The following GALNT12 variants were observed in gnomAD, a reference collection of about 807,000 sequenced individuals.
GALNT12 encodes the protein polypeptide N-acetylgalactosaminyltransferase 12.
A neutral mutation model predicts 55.5 loss-of-function variants in GALNT12; 45 were observed. The observed-to-expected ratio is 0.81, with a 90% CI of 0.64 to 1.04. GALNT12 has a LOEUF of 1.04. Ranked by LOEUF, GALNT12 falls within the 50% of genes least tolerant of loss-of-function variation. GALNT12 has a pLI of 0.00. For missense variants in GALNT12, 709 were observed against 754.8 expected (o/e 0.94, Z 0.71); for synonymous variants, 304 against 312.2 (o/e 0.97, Z 0.28).
At chr9:98,844,858 T>G (rs948838955) in intron 8 of GALNT12, among the ~76,000 whole-genome samples, 3 of 151,998 alleles carry the variant, frequency 2.0e-5, no homozygotes, top group Non-Finnish European at 2.9e-5. Flanking sequence ...CCCCCAGCCC[T>G]GGAAAGCAGT....
chr9:98,837,112 A>G lies in GALNT12; in HGVS notation c.1176A>G (p.Lys392=). The G allele has an allele frequency of 6.2e-7, 1 of 1,614,178 alleles. No homozygotes were observed. The highest frequency in any genetic ancestry group is 8.5e-7 in the Non-Finnish European group (1 of 1,180,022). Residue 392 remains lysine (K), a synonymous_variant, in exon 6 of 10, where the codon AAA becomes AAG. Coordinates refer to ENST00000375011, the MANE Select transcript of GALNT12 (RefSeq NM_024642.5). Reference sequence around the variant, plus strand: ...CTGAAGTATGGATGGATGAATTTAAAGAGCTCTACTACCATCGCAACCCCC... The same window carrying G: ...CTGAAGTATGGATGGATGAATTTAAGGAGCTCTACTACCATCGCAACCCCC... ...RAAEVWMDEF[K]ELYYHRNPRA...
rs187947527 is a variant in GALNT12 at position 98,821,171 on chromosome 9, G to A, written c.372-2085G>A. Among the ~76,000 whole-genome samples the A allele has an allele frequency of 2.9e-4, 44 of 152,176 alleles. 1 individual carries two copies. In the East Asian group the frequency reaches 5.3e-3, roughly 18 times the overall value. On this transcript the variant is annotated intron_variant, in intron 1 of 9. Coordinates refer to ENST00000375011, the MANE Select transcript of GALNT12 (RefSeq NM_024642.5). ...GTTATAGGCGTGTGCCATCATGCCCGGCTAATTTTTGTATTTTTAGTAGAG... is the reference window on the plus strand; with the variant it reads ...GTTATAGGCGTGTGCCATCATGCCCAGCTAATTTTTGTATTTTTAGTAGAG...
At chr9:98,838,366 C>G (rs1836206560) in intron 6 of GALNT12, among the ~76,000 whole-genome samples, 1 of 152,198 alleles carries the variant, frequency 6.6e-6, no homozygotes. Flanking sequence ...ATCTCTCTGA[C>G]CAATGGTGAA....
At chr9:98,835,775 G>A (rs1836127277) in intron 5 of GALNT12, among the ~76,000 whole-genome samples, 2 of 150,892 alleles carry the variant, frequency 1.3e-5, no homozygotes, top group African/African-American at 4.9e-5. Context: ...TCGCTCTGTC[G>A]CCCAGGCTGG....
chr9:98,834,368 G>A (rs1208033591), intron 4 of GALNT12, among the ~76,000 whole-genome samples: 5 of 152,144 alleles, frequency 3.3e-5, no homozygotes, highest in African/African-American at 1.2e-4. Context: ...AGATCTGCCC[G>A]CCTCAGCCTC....
At position 98,850,077 on chromosome 9, in the gene GALNT12, A is replaced by G. The variant is rs1836515471; in HGVS notation, c.*985A>G. On this transcript the variant is annotated 3_prime_UTR_variant, in exon 10 of 10. Coordinates refer to ENST00000375011, the MANE Select transcript of GALNT12 (RefSeq NM_024642.5). ...TGAATGATTAAAAAGATGTGAGAAC[A>G]CTGACTGCAGATCTTTTTGTACTGT... The G allele has an allele frequency of 5.5e-6, 1 of 183,406 alleles. No homozygotes were observed. The highest frequency in any genetic ancestry group is 8.9e-5 in the East Asian group (1 of 11,216). 11.4% of individuals were successfully genotyped at this position (183,406 alleles called of 1,614,324 possible).
intron 3 of GALNT12, among the ~76,000 whole-genome samples, chr9:98,828,883 G>A (rs1306327753): frequency 6.6e-6 from 1 of 151,972 alleles, no homozygotes; most frequent in Non-Finnish European, 1.5e-5. Context: ...AGGCTGGAGG[G>A]CAGTGGCGTG....
chr9:98,849,906 A>G lies in GALNT12; in HGVS notation c.*814A>G. 1 of 258,882 alleles carries G rather than the reference A, an allele frequency of 3.9e-6. No homozygotes were observed. Among genetic ancestry groups the G allele is most frequent in the East Asian group, 5.8e-5 (1 of 17,108 alleles). 16.0% of individuals were successfully genotyped at this position (258,882 alleles called of 1,614,324 possible). On this transcript the variant is annotated 3_prime_UTR_variant, in exon 10 of 10. Coordinates refer to ENST00000375011, the MANE Select transcript of GALNT12 (RefSeq NM_024642.5). Reference sequence around the variant, plus strand: ...TGTTCTATATGAAATTCCTTTTTCAAGTTTGTTCATTAATAACAGTTATTA... The same window carrying G: ...TGTTCTATATGAAATTCCTTTTTCAGGTTTGTTCATTAATAACAGTTATTA...
rs147174694 is a variant in GALNT12 at position 98,818,713 on chromosome 9, A to T, written c.372-4543A>T. Among the ~76,000 whole-genome samples, 78 of 152,270 alleles carry T rather than the reference A, an allele frequency of 5.1e-4. 1 individual carries two copies. The highest frequency in any genetic ancestry group is 7.8e-4 in the Admixed American group (12 of 15,288). The stretch of plus-strand genomic sequence containing the variant: ...AAGAGTAAAGACCCGTTGGTTTATA[A>T]AATGTCTCAGTTTGGGTCTGTCAGA... On this transcript the variant is annotated intron_variant, in intron 1 of 9. Transcript: ENST00000375011.
At chr9:98,843,340 GA>G (rs1290445845) in intron 7 of GALNT12, among the ~76,000 whole-genome samples, 1 of 151,892 alleles carries the variant, frequency 6.6e-6, no homozygotes, top group African/African-American at 2.4e-5. Context: ...TTTGTTTATA[GA>G]ATATATTTCA....
At chr9:98,823,540 C>A in intron 2 of GALNT12, 115 bp downstream of exon 2, 2 of 871,564 alleles carry the variant, frequency 2.3e-6, no homozygotes, top group Non-Finnish European at 3.8e-6. Context: ...CTTCCTGTAT[C>A]CTCCTGTACC....
intron 8 of GALNT12, chr9:98,844,469 AT>A (rs1296539117): frequency 2.2e-6 from 1 of 455,548 alleles, no homozygotes; most frequent in East Asian, 4.5e-5. Context: ...CATTCCCTTC[AT>A]CTACTTTTCT....
intron 5 of GALNT12, among the ~76,000 whole-genome samples, chr9:98,836,186 G>A (rs556351038): frequency 1.1e-4 from 17 of 152,260 alleles, no homozygotes; most frequent in African/African-American, 2.9e-4. Context: ...TACATGGCCC[G>A]TGAAAACCGT....
intron 1 of GALNT12, among the ~76,000 whole-genome samples, chr9:98,811,341 A>G (rs1835491399): frequency 6.6e-6 from 1 of 152,232 alleles, no homozygotes; most frequent in Non-Finnish European, 1.5e-5. Context: ...ATTTGCAAAA[A>G]GTTTTAGTTT....
chr9:98,833,341 C>T (rs922986276), intron 4 of GALNT12, among the ~76,000 whole-genome samples: 2 of 152,116 alleles, frequency 1.3e-5, no homozygotes, highest in Non-Finnish European at 2.9e-5. Context: ...GAGTCCTGAC[C>T]TTAAGATGAC....
rs1204571302 is a variant in GALNT12, at chr9:98,837,138, G to A, written c.1202G>A (p.Arg401His). Residue 401 changes from arginine to histidine, a missense_variant, in exon 6 of 10, where the codon CGT becomes CAT. Arg to His is a conservative substitution (Grantham distance 29, BLOSUM62 0). Transcript: ENST00000375011. ...GAGCTCTACTACCATCGCAACCCCC[G>A]TGCCCGCTTGGTGAGTTCCTCGGCC... is the stretch of plus-strand genomic sequence containing the variant. Reference protein sequence around the residue: ...FKELYYHRNPRARLEPFGDVT... With the variant: ...FKELYYHRNPHARLEPFGDVT... 7 of 1,614,120 alleles carry A rather than the reference G, an allele frequency of 4.3e-6. No individual in the cohort carries two copies. Among genetic ancestry groups the A allele is most frequent in the East Asian group, 2.2e-5 (1 of 44,876 alleles).
intron 4 of GALNT12, among the ~76,000 whole-genome samples, chr9:98,832,390 G>A (rs1182126819): frequency 6.6e-6 from 1 of 152,094 alleles, no homozygotes; most frequent in Non-Finnish European, 1.5e-5. Context: ...ATGCTAGTGT[G>A]TATCTGTAGG....
Position 98,849,656 on chromosome 9 carries a change from T to A in GALNT12, c.*564T>A, listed in dbSNP as rs1836505794. ...TTTTAAAAAGAATGCTTTTTGGTTA[T>A]GTGTTGCTACCACAGTTAACACTCC... On this transcript the variant is annotated 3_prime_UTR_variant, in exon 10 of 10. Coordinates refer to ENST00000375011, the MANE Select transcript of GALNT12 (RefSeq NM_024642.5). 1 of 410,286 alleles carries A rather than the reference T, an allele frequency of 2.4e-6. No individual in the cohort carries two copies. The highest frequency in any genetic ancestry group is 1.1e-4 in the South Asian group (1 of 9,458). The allele number at this position is 410,286 out of a possible 1,614,324, so 25.4% of individuals were successfully genotyped here. A position where few individuals can be genotyped will look rare whatever the true frequency, so the allele number is the denominator to read the frequency against.
At chr9:98,843,788 T>C (rs1003268753) in intron 7 of GALNT12, among the ~76,000 whole-genome samples, 11 of 152,180 alleles carry the variant, frequency 7.2e-5, no homozygotes, top group African/African-American at 2.4e-4. Flanking sequence ...AACCCAGGTA[T>C]ATTTGGACTT....
Sources: allele counts gnomAD v4.1 joint callset (sites outside exome capture counted in the v4.1 genomes callset), GRCh38; gene constraint gnomAD v4.1.1; transcripts MANE v1.5; gene names NCBI Gene and HGNC (gene_info 2026-07-23, HGNC 2026-07-21).